DRC11: variants seen among roughly 807,000 people sequenced by gnomAD.
The protein encoded by DRC11 is IQ and AAA domain-containing protein 1.
chr2:236,373,313 T>C, the DRC11 span, among the ~76,000 whole-genome samples: 2 of 151,568 alleles, frequency 1.3e-5, no homozygotes, highest in African/African-American at 4.8e-5. Context: ...CTGCAGTGCA[T>C]TGGCACAATC....
At chr2:236,357,240 CAT>C in the DRC11 span, among the ~76,000 whole-genome samples, 2 of 112,360 alleles carry the variant, frequency 1.8e-5, no homozygotes, top group Non-Finnish European at 3.2e-5. Context: ...AATGTATATT[CAT>C]ATAGTATATA....
At chr2:236,450,381 G>T in the DRC11 span, among the ~76,000 whole-genome samples, 1 of 137,922 alleles carries the variant, frequency 7.3e-6, no homozygotes, top group Admixed American at 7.7e-5. Context: ...GTGCAGTGGC[G>T]CAATCTCGGC....
the DRC11 span, among the ~76,000 whole-genome samples, chr2:236,424,625 C>CT: frequency 5.1e-4 from 77 of 152,226 alleles, no homozygotes; most frequent in African/African-American, 1.8e-3. Flanking sequence ...ACTAACATGT[C>CT]CATCACCTTA....
chr2:236,329,286 C>T, the DRC11 span, among the ~76,000 whole-genome samples: 5 of 152,142 alleles, frequency 3.3e-5, no homozygotes, highest in African/African-American at 9.7e-5. Context: ...TTTCAGGTTC[C>T]AGGGATGAGG....
At chr2:236,449,111 C>T in the DRC11 span, among the ~76,000 whole-genome samples, 80 of 152,040 alleles carry the variant, frequency 5.3e-4, no homozygotes, top group South Asian at 6.2e-4. This position sits in a 1 kb window ranked among gnomAD's most constrained non-coding sequence, Gnocchi z 5.1. Flanking sequence ...CCGCCTGCCT[C>T]GGCCTCCCAA....
At chr2:236,471,831 A>G in the DRC11 span, among the ~76,000 whole-genome samples, 1 of 152,170 alleles carries the variant, frequency 6.6e-6, no homozygotes, top group African/African-American at 2.4e-5. The surrounding 1 kb of genome is among the most constrained non-coding windows in gnomAD (Gnocchi z 4.6). Flanking sequence ...AACGGCTTTA[A>G]TCTGATGCAT....
the DRC11 span, among the ~76,000 whole-genome samples, chr2:236,351,683 C>T: frequency 6.6e-6 from 1 of 151,806 alleles, no homozygotes; most frequent in African/African-American, 2.4e-5. This position sits in a 1 kb window ranked among gnomAD's most constrained non-coding sequence, Gnocchi z 7.3. Context: ...CAGGTGTGGG[C>T]GGTGGGCACA....
chr2:236,314,918 G>GT, the DRC11 span, among the ~76,000 whole-genome samples: 4 of 152,138 alleles, frequency 2.6e-5, no homozygotes, highest in African/African-American at 7.2e-5. This position sits in a 1 kb window ranked among gnomAD's most constrained non-coding sequence, Gnocchi z 4.5. Flanking sequence ...TAAAATATTA[G>GT]TTTTTTGGTG....
chr2:236,311,235 G>A, the DRC11 span, among the ~76,000 whole-genome samples: 5 of 152,148 alleles, frequency 3.3e-5, no homozygotes, highest in African/African-American at 4.8e-5. The surrounding 1 kb of genome is among the most constrained non-coding windows in gnomAD (Gnocchi z 6.9). Context: ...ATATACACTC[G>A]AGCCTGGCCA....
the DRC11 span, among the ~76,000 whole-genome samples, chr2:236,432,822 T>C: frequency 6.6e-6 from 1 of 152,188 alleles, no homozygotes; most frequent in Non-Finnish European, 1.5e-5. Context: ...TGTATCATAA[T>C]TAGAAAGATC....
the DRC11 span, chr2:236,331,486 A>C: frequency 1.2e-6 from 2 of 1,613,980 alleles, no homozygotes; most frequent in Non-Finnish European, 1.7e-6. The surrounding 1 kb of genome is among the most constrained non-coding windows in gnomAD (Gnocchi z 4.8). Context: ...GCCTTTAACC[A>C]CTTCGACTAT....
At chr2:236,311,193 C>T in the DRC11 span, among the ~76,000 whole-genome samples, 17 of 152,324 alleles carry the variant, frequency 1.1e-4, no homozygotes, top group South Asian at 2.1e-3. The surrounding 1 kb of genome is among the most constrained non-coding windows in gnomAD (Gnocchi z 6.9). Context: ...CTCACTGCCT[C>T]TCAATGAGAT....
At chr2:236,456,684 C>T in the DRC11 span, among the ~76,000 whole-genome samples, 25 of 152,200 alleles carry the variant, frequency 1.6e-4, no homozygotes, top group Admixed American at 6.5e-5. This position sits in a 1 kb window ranked among gnomAD's most constrained non-coding sequence, Gnocchi z 5.4. Flanking sequence ...CAATGCCCCT[C>T]GGCCACTGCC....
the DRC11 span, among the ~76,000 whole-genome samples, chr2:236,495,534 C>T: frequency 6.6e-6 from 1 of 152,274 alleles, no homozygotes; most frequent in East Asian, 1.9e-4. The surrounding 1 kb of genome is among the most constrained non-coding windows in gnomAD (Gnocchi z 5.6). Flanking sequence ...AAAGCCTCTT[C>T]CCCACCATAT....
the DRC11 span, among the ~76,000 whole-genome samples, chr2:236,374,102 C>A: frequency 2.0e-5 from 3 of 152,182 alleles, no homozygotes; most frequent in Admixed American, 2.0e-4. Context: ...TGGCCCATTG[C>A]TCTCTGGTTA....
the DRC11 span, among the ~76,000 whole-genome samples, chr2:236,343,094 C>T: frequency 0.025 from 3,880 of 152,202 alleles, 157 homozygotes; most frequent in African/African-American, 0.089. This position sits in a 1 kb window ranked among gnomAD's most constrained non-coding sequence, Gnocchi z 6.6. Context: ...GGCAGGGTTC[C>T]GCAGGCTCGG....
chr2:236,388,349 C>T, the DRC11 span, among the ~76,000 whole-genome samples: 1 of 147,678 alleles, frequency 6.8e-6, no homozygotes, highest in African/African-American at 2.5e-5. Context: ...TTCTTGGAGG[C>T]TTTGCTCATT....
the DRC11 span, among the ~76,000 whole-genome samples, chr2:236,311,999 T>C: frequency 6.6e-6 from 1 of 152,162 alleles, no homozygotes; most frequent in Non-Finnish European, 1.5e-5. The surrounding 1 kb of genome is among the most constrained non-coding windows in gnomAD (Gnocchi z 6.9). Context: ...TTTAGCTAAG[T>C]AGATACAAGC....
At chr2:236,481,377 T>C in the DRC11 span, among the ~76,000 whole-genome samples, 1 of 152,030 alleles carries the variant, frequency 6.6e-6, no homozygotes, top group African/African-American at 2.4e-5. Flanking sequence ...TTTCCACACA[T>C]GAGGTGCCTG....
Sources: allele counts gnomAD v4.1 joint callset (sites outside exome capture counted in the v4.1 genomes callset), GRCh38; gene constraint gnomAD v4.1.1; non-coding constraint Gnocchi (gnomAD v3.1); transcripts MANE v1.5; gene names NCBI Gene and HGNC (gene_info 2026-07-23, HGNC 2026-07-21).